RUNX3: variants seen among roughly 807,000 people sequenced by gnomAD.
RUNX3 encodes the protein runt-related transcription factor 3.
In RUNX3, 10 loss-of-function variants were observed where a neutral mutation model predicts 27.7. The observed-to-expected ratio is 0.36, with a 90% CI of 0.22 to 0.61. The LOEUF (loss-of-function observed/expected upper bound fraction) is 0.61. RUNX3 is among the 20% of genes least tolerant of loss of function. The pLI is 0.72. For missense variants in RUNX3, 469 were observed against 629.5 expected (o/e 0.75, Z 2.73); for synonymous variants, 270 against 269.2 (o/e 1.00, Z -0.03).
rs1479033115 is a variant in RUNX3 at position 24,962,805 on chromosome 1, C to G, written c.58+1709G>C. Among the ~76,000 whole-genome samples, 2 of 152,198 alleles carry G rather than the reference C, an allele frequency of 1.3e-5. No homozygotes were observed. The highest frequency in any genetic ancestry group is 1.3e-4 in the Admixed American group (2 of 15,284). On this transcript the variant is annotated intron_variant, in intron 2 of 6. Coordinates refer to the RUNX3 transcript ENST00000338888. The surrounding 1 kb of genome is among the most constrained non-coding windows in gnomAD (Gnocchi z 4.5). Reference sequence around the variant, plus strand: ...CCTTTGTGCTACTGCCAGCCACCTCCCAGGCTCCGAGGATCAGGACCCAGC... The same window carrying G: ...CCTTTGTGCTACTGCCAGCCACCTCGCAGGCTCCGAGGATCAGGACCCAGC...
rs768608661 is a variant in RUNX3 at position 24,907,355 on chromosome 1, G to A, written c.607C>T (p.Arg203Trp). 8.1e-6 allele frequency: 13 copies of A among 1,613,874 alleles called. No homozygotes were observed. The highest frequency in any genetic ancestry group is 1.1e-5 in the Non-Finnish European group (13 of 1,179,980). Residue 203 changes from arginine (R) to tryptophan (W), a missense_variant, in exon 4 of 5, where the codon CGG becomes TGG. By Grantham distance (101) the Arg-to-Trp change is moderately radical (BLOSUM62 -3). Coordinates refer to ENST00000308873, the MANE Select transcript of RUNX3 (RefSeq NM_004350.3). ...PFPDRFGDLE[R>W]LRMRVTPSTP... is the part of the protein sequence containing the mutation. ...CTCGGTGTCACCCGCATGCGCAGCC[G>A]TTCCAGGTCCCCAAAGCGGTCAGGG... is the stretch of plus-strand genomic sequence containing the variant.
intron 2 of RUNX3, among the ~76,000 whole-genome samples, chr1:24,945,754 G>T (rs558922720): frequency 1.3e-5 from 2 of 152,110 alleles, no homozygotes; most frequent in East Asian, 3.9e-4. Flanking sequence ...TCCTTTTCAG[G>T]GTATGTGCTT....
intron 2 of RUNX3, among the ~76,000 whole-genome samples, chr1:24,935,550 T>C (rs1571332974): frequency 6.6e-6 from 1 of 152,206 alleles, no homozygotes; most frequent in South Asian, 2.1e-4. Flanking sequence ...GAGACTTCTT[T>C]TGCGGGAGCG....
intron 3 of RUNX3, among the ~76,000 whole-genome samples, chr1:24,918,568 C>T (rs1640933232): frequency 6.7e-6 from 1 of 148,712 alleles, no homozygotes; most frequent in African/African-American, 2.5e-5. Context: ...GGCTCTATTT[C>T]ATTCATTCAT....
At chr1:24,938,641 AC>A (rs1415944389) in intron 2 of RUNX3, among the ~76,000 whole-genome samples, 3 of 152,216 alleles carry the variant, frequency 2.0e-5, no homozygotes, top group African/African-American at 7.2e-5. Flanking sequence ...CAAAAGTCAT[AC>A]ATTAAAACTT....
At chr1:24,921,940 A>G (rs2124289592) in intron 2 of RUNX3, among the ~76,000 whole-genome samples, 1 of 152,260 alleles carries the variant, frequency 6.6e-6, no homozygotes, top group East Asian at 1.9e-4. Context: ...TATCTGAAGT[A>G]GGCATTTTTA....
At chr1:24,930,507 C>A (rs1348329504), upstream of RUNX3, among the ~76,000 whole-genome samples, 1 of 152,082 alleles carries the variant, frequency 6.6e-6, no homozygotes, top group Non-Finnish European at 1.5e-5. This position sits in a 1 kb window ranked among gnomAD's most constrained non-coding sequence, Gnocchi z 4.1. Flanking sequence ...GCTCTGGGAG[C>A]CCGGGGCAAA....
intron 2 of RUNX3, among the ~76,000 whole-genome samples, chr1:24,922,596 A>G (rs1168284648): frequency 1.3e-5 from 2 of 152,164 alleles, no homozygotes; most frequent in Admixed American, 1.3e-4. Flanking sequence ...CATTAGGCCC[A>G]ATGCTAGATC....
intron 3 of RUNX3, among the ~76,000 whole-genome samples, chr1:24,911,769 G>A (rs1238143691): frequency 6.6e-6 from 1 of 152,000 alleles, no homozygotes; most frequent in Non-Finnish European, 1.5e-5. Flanking sequence ...CCATTGTTTA[G>A]ACGGGGCCAC....
At chr1:24,941,650 C>T (rs1478242886) in intron 2 of RUNX3, among the ~76,000 whole-genome samples, 2 of 152,162 alleles carry the variant, frequency 1.3e-5, no homozygotes, top group Non-Finnish European at 2.9e-5. Context: ...AAAGACAGAA[C>T]GGTGGCTCCA....
chr1:24,907,429 A>G lies in RUNX3; in HGVS notation c.545-12T>C, dbSNP rs774993316. The G allele has an allele frequency of 7.5e-6, 12 of 1,606,136 alleles. No individual in the cohort carries two copies. The highest frequency in any genetic ancestry group is 8.5e-6 in the Non-Finnish European group (10 of 1,174,744). On this transcript the variant is annotated splice_polypyrimidine_tract_variant and intron_variant, in intron 3 of 4. Transcript: ENST00000308873. Reference sequence around the variant, plus strand: ...CTTCTGCCGGTGCCCTGCAGAGCACAGGAAGCCCATCAGCCGTTGCTTCCC... The same window carrying G: ...CTTCTGCCGGTGCCCTGCAGAGCACGGGAAGCCCATCAGCCGTTGCTTCCC...
chr1:24,926,308 A>G (rs1054083612), intron 2 of RUNX3, among the ~76,000 whole-genome samples: 2 of 152,248 alleles, frequency 1.3e-5, no homozygotes, highest in African/African-American at 4.8e-5. Flanking sequence ...TAGGAGCAGC[A>G]ATGAAAGCTT....
intron 2 of RUNX3, among the ~76,000 whole-genome samples, chr1:24,921,611 C>T (rs542292677): frequency 6.6e-6 from 1 of 152,322 alleles, no homozygotes; most frequent in East Asian, 1.9e-4. Flanking sequence ...ATGCCTCGGG[C>T]TCCCTGCCCG....
At chr1:24,915,772 A>T (rs1640877536) in intron 3 of RUNX3, among the ~76,000 whole-genome samples, 1 of 149,274 alleles carries the variant, frequency 6.7e-6, no homozygotes, top group Non-Finnish European at 1.5e-5. Context: ...AGGATGTGGG[A>T]GGGAGGGCAG....
intron 3 of RUNX3, among the ~76,000 whole-genome samples, chr1:24,909,374 A>C (rs557323179): frequency 4.5e-4 from 68 of 152,230 alleles, no homozygotes; most frequent in Middle Eastern, 6.8e-3. Flanking sequence ...TGGAAAACGC[A>C]AAGTAGGCTT....
At chr1:24,939,394 A>C (rs1345048518) in intron 2 of RUNX3, among the ~76,000 whole-genome samples, 1 of 152,260 alleles carries the variant, frequency 6.6e-6, no homozygotes, top group Non-Finnish European at 1.5e-5. Context: ...TGCTCCTAGG[A>C]GATGCCTCTG....
intron 2 of RUNX3, among the ~76,000 whole-genome samples, chr1:24,925,021 T>C (rs1290008823): frequency 6.6e-6 from 1 of 152,136 alleles, no homozygotes. Flanking sequence ...GAACTAAAAA[T>C]TGAGGCAACA....
At position 24,902,750 on chromosome 1, in the gene RUNX3, C is replaced by T. The variant is rs1640586037; in HGVS notation, c.704-84G>A. On this transcript the variant is annotated intron_variant, in intron 4 of 4. Coordinates refer to ENST00000308873, the MANE Select transcript of RUNX3 (RefSeq NM_004350.3). This position sits in a 1 kb window ranked among gnomAD's most constrained non-coding sequence, Gnocchi z 9.2. ...TGAAGAATGACCTTGGGCTCTGGTT[C>T]CCAAGGCCCATCTGGGGGACCCCTA... 11 of 1,252,956 alleles carry T rather than the reference C, an allele frequency of 8.8e-6. No individual in the cohort carries two copies. The highest frequency in any genetic ancestry group is 1.1e-5 in the Non-Finnish European group (10 of 924,994). 77.6% of individuals were successfully genotyped at this position (1,252,956 alleles called of 1,614,324 possible). A position where few individuals can be genotyped will look rare whatever the true frequency, so the allele number is the denominator to read the frequency against.
upstream of RUNX3, chr1:24,930,308 C>G: frequency 1.2e-6 from 1 of 865,190 alleles, no homozygotes; most frequent in Non-Finnish European, 1.4e-6. The surrounding 1 kb of genome is among the most constrained non-coding windows in gnomAD (Gnocchi z 4.1). Flanking sequence ...GGGTTAGTAC[C>G]CCCGGGGCCC....
Sources: gnomAD v4.1 joint callset for allele counts (sites outside exome capture counted in the v4.1 genomes callset) on GRCh38, gnomAD v4.1.1 for gene constraint, Gnocchi (gnomAD v3.1) non-coding constraint, MANE v1.5 for transcripts, NCBI Gene and HGNC (gene_info 2026-07-23, HGNC 2026-07-21) for gene names.